The following CEP57L1 variants were observed in gnomAD, a reference collection of about 807,000 sequenced individuals.
The protein encoded by CEP57L1 is centrosomal protein 57 like 1, also known as centrosomal protein CEP57L1.
Under a neutral mutation model 61.0 loss-of-function variants are expected in CEP57L1, and 37 were observed. That is an observed-to-expected ratio of 0.61 (90% CI 0.47 to 0.80). The LOEUF (loss-of-function observed/expected upper bound fraction) is 0.80, where lower values mean the gene tolerates loss of function less well. CEP57L1 is among the 30% of genes least tolerant of loss of function. The probability of loss-of-function intolerance (pLI) is 0.00; values close to 1 mark genes in which losing one functional copy is unlikely to be tolerated. For missense variants in CEP57L1, 422 were observed against 524.7 expected (o/e 0.80, Z 1.91); for synonymous variants, 137 against 162.3 (o/e 0.84, Z 1.19).
chr6:109,166,242 A>G lies in CEP57L1; in HGVS notation c.*3272A>G, dbSNP rs1006933838. ...ACATAGTAAGTTAACTGGCTGGGATAATGTAGATAATGTACTTGAAAATTA... is the reference window on the plus strand; with the variant it reads ...ACATAGTAAGTTAACTGGCTGGGATGATGTAGATAATGTACTTGAAAATTA... On this transcript the variant is annotated 3_prime_UTR_variant, in exon 11 of 11. Transcript: ENST00000517392. Among the ~76,000 whole-genome samples, 2 of 152,180 alleles carry G rather than the reference A, an allele frequency of 1.3e-5. No individual in the cohort carries two copies. Among genetic ancestry groups the G allele is most frequent in the African/African-American group, 4.8e-5 (2 of 41,444 alleles).
At chr6:109,117,178 T>G (rs1321577433) in intron 1 of CEP57L1, among the ~76,000 whole-genome samples, 2 of 152,198 alleles carry the variant, frequency 1.3e-5, no homozygotes, top group Non-Finnish European at 2.9e-5. Context: ...CCAAACACTC[T>G]CATTCTAGTC....
chr6:109,108,302 G>T (rs1771176140), intron 1 of CEP57L1, among the ~76,000 whole-genome samples: 1 of 150,734 alleles, frequency 6.6e-6, no homozygotes, highest in East Asian at 2.0e-4. Context: ...GTGCAGTGGC[G>T]CGATCTCAGC....
Position 109,162,780 on chromosome 6 carries a change from C to T in CEP57L1, c.1193C>T (p.Ser398Leu), listed in dbSNP as rs549587487. 6.2e-7 allele frequency: 1 copy of T among 1,612,832 alleles called. No individual in the cohort carries two copies. Among genetic ancestry groups the T allele is most frequent in the East Asian group, 2.2e-5 (1 of 44,756 alleles). The change falls in exon 11 of 11, where the codon TCA (serine) becomes TTA (leucine). Residue 398 changes from serine to leucine, a missense_variant. Physicochemically the swap from Ser to Leu is moderately radical, Grantham distance 145. Coordinates refer to ENST00000517392, the MANE Select transcript of CEP57L1 (RefSeq NM_001271852.3). ...AAACTGCAGCAAAAAGTTCAAAACTCAAAGATGAGTGAAGCTTCAGGTATT... is the reference window on the plus strand; with the variant it reads ...AAACTGCAGCAAAAAGTTCAAAACTTAAAGATGAGTGAAGCTTCAGGTATT... ...VCKLQQKVQN[S>L]KMSEASGIQQ...
intron 1 of CEP57L1, among the ~76,000 whole-genome samples, chr6:109,114,429 G>C (rs1447671466): frequency 2.0e-5 from 3 of 151,748 alleles, no homozygotes; most frequent in Non-Finnish European, 4.4e-5. Context: ...TTCATAGTTT[G>C]AGTTTTTTGT....
intron 3 of CEP57L1, among the ~76,000 whole-genome samples, chr6:109,147,771 T>C (rs1772128415): frequency 6.6e-6 from 1 of 152,114 alleles, no homozygotes; most frequent in East Asian, 1.9e-4. Context: ...AGAGAAGAAA[T>C]ATATTGATAG....
At chr6:109,142,974 T>G (rs1771571957) in intron 1 of CEP57L1, among the ~76,000 whole-genome samples, 1 of 143,346 alleles carries the variant, frequency 7.0e-6, no homozygotes, top group African/African-American at 2.6e-5. Flanking sequence ...TCTCTCTCTC[T>G]CTCTCTCTCT....
intron 1 of CEP57L1, among the ~76,000 whole-genome samples, chr6:109,138,672 A>G (rs1771007528): frequency 6.6e-6 from 1 of 152,146 alleles, no homozygotes; most frequent in African/African-American, 2.4e-5. Context: ...TTGTTCCTTA[A>G]AGGGAGTTTG....
In CEP57L1 at chr6:109,160,434, TAAAG is replaced by T. The variant is rs3830942; in HGVS notation, c.1017-132_1017-129del. On this transcript the variant is annotated intron_variant, in intron 9 of 10. Transcript: ENST00000517392. ...TATTTACCATAGACTTAATTAACCC[TAAAG>T]AAAGAGGCTGTTTTTAAAGGTTAAT... 280 of 612,868 alleles carry T rather than the reference TAAAG, an allele frequency of 4.6e-4. 3 individuals carry two copies. In the East Asian group the frequency reaches 8.9e-3, roughly 20 times the overall value. The allele number at this position is 612,868 out of a possible 1,614,324, so 38.0% of individuals were successfully genotyped here. A position where few individuals can be genotyped will look rare whatever the true frequency, so the allele number is the denominator to read the frequency against.
chr6:109,149,466 C>G (rs1455820490), intron 3 of CEP57L1, among the ~76,000 whole-genome samples: 1 of 152,136 alleles, frequency 6.6e-6, no homozygotes, highest in Non-Finnish European at 1.5e-5. Flanking sequence ...CTGTTCTGTT[C>G]CATTGATCTG....
At chr6:109,132,582 A>AT (rs1774313687) in intron 1 of CEP57L1, among the ~76,000 whole-genome samples, 1 of 152,186 alleles carries the variant, frequency 6.6e-6, no homozygotes, top group South Asian at 2.1e-4. Context: ...TTTCCTGGTG[A>AT]TTATATGTAA....
At position 109,163,253 on chromosome 6, in the gene CEP57L1, G is replaced by A. The variant is rs1197998667; in HGVS notation, c.*283G>A. On this transcript the variant is annotated 3_prime_UTR_variant, in exon 11 of 11. Coordinates refer to ENST00000517392, the MANE Select transcript of CEP57L1 (RefSeq NM_001271852.3). Reference sequence around the variant, plus strand: ...TATCTTAAGCTAAATTTAAGAAATTGTACTAGATTGACAATATTCAAAATT... The same window carrying A: ...TATCTTAAGCTAAATTTAAGAAATTATACTAGATTGACAATATTCAAAATT... 1 of 256,774 alleles carries A rather than the reference G, an allele frequency of 3.9e-6. No individual in the cohort carries two copies. Among genetic ancestry groups the A allele is most frequent in the Non-Finnish European group, 7.5e-6 (1 of 134,190 alleles). The allele number at this position is 256,774 out of a possible 1,614,324, so 15.9% of individuals were successfully genotyped here.
In CEP57L1 at chr6:109,170,254, AGTCTTT is replaced by A. The variant is rs888210119; in HGVS notation, c.*7285_*7290del. Among the ~76,000 whole-genome samples the A allele has an allele frequency of 6.6e-6, 1 of 152,216 alleles. No individual in the cohort carries two copies. The highest frequency in any genetic ancestry group is 2.4e-5 in the African/African-American group (1 of 41,464). The stretch of plus-strand genomic sequence containing the variant: ...CTAAACAATTAAAGAAAGAAATCTT[AGTCTTT>A]AAGAACAGAGGATTGTAAAGTGAGC... On this transcript the variant is annotated 3_prime_UTR_variant, in exon 11 of 11. Transcript: ENST00000517392.
At position 109,142,944 on chromosome 6, in the gene CEP57L1, TTG is replaced by T. The variant is rs1280565619; in HGVS notation, c.-3-2274_-3-2273del. ...TTCTCACTCTTGTTCACTGTCTCTC[TTG>T]CTCTCTCTCTCTCTCTCTCTCTCTC... is the stretch of plus-strand genomic sequence containing the variant. On this transcript the variant is annotated intron_variant, in intron 1 of 10. Coordinates refer to ENST00000517392, the MANE Select transcript of CEP57L1 (RefSeq NM_001271852.3). Among the ~76,000 whole-genome samples, 10 of 88,434 alleles carry T rather than the reference TTG, an allele frequency of 1.1e-4. 1 individual carries two copies. The highest frequency in any genetic ancestry group is 6.7e-4 in the South Asian group (2 of 2,980). 58.0% of individuals were successfully genotyped at this position (88,434 alleles called of 152,430 possible). A position where few individuals can be genotyped will look rare whatever the true frequency, so the allele number is the denominator to read the frequency against.
chr6:109,129,267 A>T, intron 1 of CEP57L1: 1 of 741,938 alleles, frequency 1.3e-6, no homozygotes, highest in Non-Finnish European at 1.8e-6. Flanking sequence ...TATCGCCTTT[A>T]GTATCTTTAT....
At chr6:109,116,408 C>G (rs536777604) in intron 1 of CEP57L1, among the ~76,000 whole-genome samples, 1 of 152,202 alleles carries the variant, frequency 6.6e-6, no homozygotes, top group East Asian at 1.9e-4. Context: ...AACTCCCTAC[C>G]TCAGGTGATC....
intron 1 of CEP57L1, among the ~76,000 whole-genome samples, chr6:109,124,142 A>G (rs1174803911): frequency 6.6e-6 from 1 of 151,444 alleles, no homozygotes; most frequent in African/African-American, 2.4e-5. Flanking sequence ...ATAGCCTCCT[A>G]CCTGTACTTT....
At chr6:109,098,744 C>A (rs1782020337) in intron 1 of CEP57L1, among the ~76,000 whole-genome samples, 1 of 152,126 alleles carries the variant, frequency 6.6e-6, no homozygotes, top group South Asian at 2.1e-4. Flanking sequence ...CCTCCTGCCT[C>A]AGCCTCCCAA....
chr6:109,162,556 CATT>C (rs938327664), intron 10 of CEP57L1, among the ~76,000 whole-genome samples, 190 bp from the exon 11 acceptor site: 2 of 151,938 alleles, frequency 1.3e-5, no homozygotes, highest in African/African-American at 4.8e-5. Context: ...GCTTTTTTCT[CATT>C]ATATTTCTAC....
chr6:109,130,875 G>A (rs1774110917), intron 1 of CEP57L1: 1 of 151,952 alleles, frequency 6.6e-6, no homozygotes, highest in Non-Finnish European at 1.5e-5. Context: ...AGTGTTGTTT[G>A]TCTTTCTACT....
Sources: allele counts gnomAD v4.1 joint callset (sites outside exome capture counted in the v4.1 genomes callset), GRCh38; gene constraint gnomAD v4.1.1; transcripts MANE v1.5; gene names NCBI Gene and HGNC (gene_info 2026-07-23, HGNC 2026-07-21).